ATRNL1: variants seen among roughly 807,000 people sequenced by gnomAD.
ATRNL1 encodes attractin like 1, also known as attractin-like protein 1.
In ATRNL1, 95 loss-of-function variants were observed where a neutral mutation model predicts 182.7. The observed-to-expected ratio is 0.52, with a 90% CI of 0.44 to 0.62. The LOEUF is 0.62. Ranked by LOEUF, ATRNL1 falls within the 20% of genes least tolerant of loss-of-function variation. The pLI is 0.00. For missense variants in ATRNL1, 1,471 were observed against 1,679.5 expected (o/e 0.88, Z 2.17); for synonymous variants, 576 against 568.3 (o/e 1.01, Z -0.19).
intron 27 of ATRNL1, among the ~76,000 whole-genome samples, chr10:115,740,468 C>T (rs1555067331): frequency 6.6e-6 from 1 of 151,050 alleles, no homozygotes; most frequent in African/African-American, 2.4e-5. Context: ...CCAGAAGTTC[C>T]AGGCCAGGCT....
intron 19 of ATRNL1, among the ~76,000 whole-genome samples, chr10:115,364,078 G>A (rs1172396642): frequency 1.3e-5 from 2 of 149,678 alleles, no homozygotes; most frequent in Non-Finnish European, 3.0e-5. Context: ...AGCTTGATGG[G>A]GATGGCATTG....
intron 27 of ATRNL1, among the ~76,000 whole-genome samples, chr10:115,738,126 ATTTTTTTTT>A (rs10546896): frequency 0.035 from 1,637 of 47,088 alleles, 52 homozygotes; most frequent in African/African-American, 0.1. Flanking sequence ...GAAGATAATG[ATTTTTTTTT>A]TTTTTTTTTT....
chr10:115,520,399 T>C (rs1231603354), intron 25 of ATRNL1, among the ~76,000 whole-genome samples: 5 of 152,210 alleles, frequency 3.3e-5, no homozygotes, highest in Non-Finnish European at 7.3e-5. Context: ...ATTTCAAGAT[T>C]TGTGGGCTGT....
chr10:115,662,814 A>C (rs2133908633), intron 26 of ATRNL1, among the ~76,000 whole-genome samples: 1 of 152,240 alleles, frequency 6.6e-6, no homozygotes, highest in African/African-American at 2.4e-5. Context: ...CAAATAGAAA[A>C]GTTTTACTTA....
chr10:115,606,030 A>T (rs1856856413), intron 26 of ATRNL1, among the ~76,000 whole-genome samples: 2 of 151,986 alleles, frequency 1.3e-5, no homozygotes, highest in South Asian at 4.1e-4. Flanking sequence ...AAAATTAAGG[A>T]TATTTTTATC....
At chr10:115,467,038 T>C in intron 22 of ATRNL1, 136 bp from the exon 23 acceptor site, 1 of 526,470 alleles carries the variant, frequency 1.9e-6, no homozygotes, top group Non-Finnish European at 3.4e-6. Context: ...AAATGGCATC[T>C]ACATATATTC....
At chr10:115,636,294 A>T (rs1858866395) in intron 26 of ATRNL1, among the ~76,000 whole-genome samples, 1 of 145,302 alleles carries the variant, frequency 6.9e-6, no homozygotes, top group South Asian at 2.3e-4. Flanking sequence ...AGCTGGCAAT[A>T]GCAATAGGGG....
chr10:115,380,943 A>C (rs1346616756), intron 19 of ATRNL1, among the ~76,000 whole-genome samples: 2 of 152,218 alleles, frequency 1.3e-5, no homozygotes, highest in African/African-American at 4.8e-5. Flanking sequence ...TTTTATGTTT[A>C]ATATTTTCAT....
At chr10:115,264,109 T>G (rs1554909674) in intron 10 of ATRNL1, among the ~76,000 whole-genome samples, 1 of 151,662 alleles carries the variant, frequency 6.6e-6, no homozygotes, top group African/African-American at 2.4e-5. Context: ...ATACTTTAAG[T>G]TCTAGGGTTC....
intron 26 of ATRNL1, among the ~76,000 whole-genome samples, chr10:115,566,885 C>T (rs576288722): frequency 4.0e-5 from 6 of 148,514 alleles, no homozygotes; most frequent in African/African-American, 1.6e-4. Flanking sequence ...CACATGCACC[C>T]CAGGAGGCTG....
intron 26 of ATRNL1, among the ~76,000 whole-genome samples, chr10:115,619,965 G>T (rs1388163137): frequency 6.6e-6 from 1 of 152,208 alleles, no homozygotes; most frequent in Non-Finnish European, 1.5e-5. Flanking sequence ...TAAGAAGATA[G>T]AGGTGTTTAC....
At chr10:115,707,996 G>A (rs1555053497) in intron 26 of ATRNL1, among the ~76,000 whole-genome samples, 1 of 151,460 alleles carries the variant, frequency 6.6e-6, no homozygotes, top group African/African-American at 2.4e-5. Flanking sequence ...TGCCAATTAG[G>A]TAAAAATATT....
intron 19 of ATRNL1, among the ~76,000 whole-genome samples, chr10:115,349,083 C>T (rs1445672770): frequency 6.6e-6 from 1 of 152,110 alleles, no homozygotes; most frequent in Non-Finnish European, 1.5e-5. Context: ...TATTTTTATA[C>T]CCATTAACCA....
intron 26 of ATRNL1, among the ~76,000 whole-genome samples, chr10:115,581,591 G>T (rs1223437276): frequency 6.6e-6 from 1 of 152,042 alleles, no homozygotes; most frequent in Non-Finnish European, 1.5e-5. Flanking sequence ...ATATATATGT[G>T]CATATGTATA....
At chr10:115,593,453 A>G (rs546373821) in intron 26 of ATRNL1, among the ~76,000 whole-genome samples, 46 of 152,346 alleles carry the variant, frequency 3.0e-4, no homozygotes, top group African/African-American at 1.1e-3. Flanking sequence ...TTTATGGCTA[A>G]CTGATCTTTG....
intron 27 of ATRNL1, among the ~76,000 whole-genome samples, chr10:115,756,678 C>G (rs1948598361): frequency 1.3e-5 from 2 of 152,066 alleles, no homozygotes; most frequent in South Asian, 4.1e-4. Flanking sequence ...TCTGTTAGGT[C>G]TGCTTGGTCC....
At chr10:115,523,209 G>A (rs1020179368) in intron 25 of ATRNL1, among the ~76,000 whole-genome samples, 11 of 152,088 alleles carry the variant, frequency 7.2e-5, no homozygotes, top group Non-Finnish European at 1.3e-4. Flanking sequence ...GCGAGATGTG[G>A]GGAGCACTTT....
At chr10:115,817,590 C>T (rs1950193216) in intron 27 of ATRNL1, among the ~76,000 whole-genome samples, 1 of 152,014 alleles carries the variant, frequency 6.6e-6, no homozygotes, top group Admixed American at 6.6e-5. Context: ...CACTGAGAAA[C>T]ACTTAAGGGT....
intron 19 of ATRNL1, among the ~76,000 whole-genome samples, chr10:115,348,514 A>C (rs993587139): frequency 2.6e-5 from 4 of 152,146 alleles, no homozygotes; most frequent in African/African-American, 9.7e-5. Flanking sequence ...TATTTTTGTC[A>C]TATTATTTCC....
Sources: gnomAD v4.1 joint callset for allele counts (sites outside exome capture counted in the v4.1 genomes callset) on GRCh38, gnomAD v4.1.1 for gene constraint, MANE v1.5 for transcripts, NCBI Gene and HGNC (gene_info 2026-07-23, HGNC 2026-07-21) for gene names.